The following TENM2 variants were observed in gnomAD, a reference collection of about 807,000 sequenced individuals.
The protein encoded by TENM2 is teneurin transmembrane protein 2, also known as teneurin-2.
TENM2 carries 52 observed loss-of-function variants against 245.2 expected under a neutral mutation model. That is an observed-to-expected ratio of 0.21 (90% confidence interval 0.17 to 0.27). The LOEUF (loss-of-function observed/expected upper bound fraction) is 0.27. Ranked by LOEUF, TENM2 falls within the 10% of genes least tolerant of loss-of-function variation. The pLI, the probability that TENM2 is intolerant of heterozygous loss-of-function variation, is 1.00. For missense variants in TENM2, 3,046 were observed against 3,666.8 expected (o/e 0.83, Z 4.37); for synonymous variants, 1,363 against 1,438.9 (o/e 0.95, Z 1.19).
At chr5:168,125,079 C>A in intron 11 of TENM2, 29 bp downstream of exon 13, 1 of 1,563,132 alleles carries the variant, frequency 6.4e-7, no homozygotes, top group Non-Finnish European at 8.7e-7. Context: ...TCCTTCCTCT[C>A]TCCAACACTC....
chr5:168,212,114 T>C (rs779209243), intron 20 of TENM2, among the ~76,000 whole-genome samples: 6 of 151,868 alleles, frequency 4.0e-5, no homozygotes, highest in Admixed American at 2.0e-4. Flanking sequence ...AAAGCTTTAA[T>C]GAACTGGAAA....
At chr5:167,361,221 A>G (rs79029223) in intron 1 of TENM2, among the ~76,000 whole-genome samples, 4,013 of 152,292 alleles carry the variant, frequency 0.026, 176 homozygotes, top group African/African-American at 0.091. Context: ...AAGGAAAGTC[A>G]TAGAAAAGTA....
At chr5:167,961,998 C>T (rs75515423) in intron 4 of TENM2, among the ~76,000 whole-genome samples, 3,401 of 152,332 alleles carry the variant, frequency 0.022, 130 homozygotes, top group African/African-American at 0.076. Flanking sequence ...CTCCCAGCTC[C>T]TGATGCAATC....
chr5:167,887,662 T>A lies in TENM2; in HGVS notation c.712+11467T>A, dbSNP rs532211092. Among the ~76,000 whole-genome samples the A allele has an allele frequency of 5.3e-5, 8 of 152,366 alleles. No individual in the cohort carries two copies. The South Asian group carries it at 1.7e-3, about 32-fold the overall frequency. ...AGTAGCTGCTGTCCTGAGTTGATGT[T>A]GCCTTGGAAATAGTTGCTTTCATTG... is the stretch of plus-strand genomic sequence containing the variant. On this transcript the variant is annotated intron_variant, in intron 3 of 28. Coordinates refer to ENST00000518659, the Ensembl canonical transcript of TENM2.
chr5:167,920,036 CCATCTGG>C (rs1230239905), intron 3 of TENM2, among the ~76,000 whole-genome samples: 1 of 152,014 alleles, frequency 6.6e-6, no homozygotes, highest in Non-Finnish European at 1.5e-5. Context: ...TGGGATGAGT[CCATCTGG>C]CAGGAAAGGA....
chr5:167,707,699 C>T (rs1758626889), intron 2 of TENM2, among the ~76,000 whole-genome samples: 2 of 152,320 alleles, frequency 1.3e-5, no homozygotes, highest in South Asian at 4.1e-4. Flanking sequence ...TGAATGCCGT[C>T]TAGAATCCTA....
Position 167,398,434 on chromosome 5 carries a change from A to AT in TENM2, c.502+22975dup, listed in dbSNP as rs796625197. ...TCTTTCTCTCTCTCTCTTTCTTACTATTTTTTTTTTTTTTGAGACAGGGTC... is the reference window on the plus strand; with the variant it reads ...TCTTTCTCTCTCTCTCTTTCTTACTATTTTTTTTTTTTTTTGAGACAGGGTC... On this transcript the variant is annotated intron_variant, in intron 2 of 28. Transcript: ENST00000518659. Among the ~76,000 whole-genome samples, 616 of 65,542 alleles carry AT rather than the reference A, an allele frequency of 9.4e-3. 8 individuals carry two copies. Among genetic ancestry groups the AT allele is most frequent in the Middle Eastern group, 0.017 (2 of 118 alleles). The allele number at this position is 65,542 out of a possible 152,430, so 43.0% of individuals were successfully genotyped here. A position where few individuals can be genotyped will look rare whatever the true frequency, so the allele number is the denominator to read the frequency against.
At chr5:167,866,211 T>G (rs537737547) in intron 2 of TENM2, among the ~76,000 whole-genome samples, 1 of 152,228 alleles carries the variant, frequency 6.6e-6, no homozygotes, top group Admixed American at 6.5e-5. Context: ...CTAGAAGGTG[T>G]TTGCCAGCTG....
At chr5:167,188,016 A>C in the TENM2 span, among the ~76,000 whole-genome samples, 1 of 152,156 alleles carries the variant, frequency 6.6e-6, no homozygotes, top group Non-Finnish European at 1.5e-5. Context: ...AGAGCTGATT[A>C]GTCACTAATC....
At chr5:167,261,554 A>G in the TENM2 span, among the ~76,000 whole-genome samples, 2 of 152,156 alleles carry the variant, frequency 1.3e-5, no homozygotes, top group Admixed American at 1.3e-4. Flanking sequence ...AGGTGAAGAC[A>G]GCAGCATGAA....
chr5:168,246,200 C>G (rs1351901052), intron 26 of TENM2, among the ~76,000 whole-genome samples: 1 of 149,618 alleles, frequency 6.7e-6, no homozygotes, highest in Non-Finnish European at 1.5e-5. Flanking sequence ...TGCACCACTG[C>G]ACTCCAGCCT....
the TENM2 span, among the ~76,000 whole-genome samples, chr5:167,199,824 A>G: frequency 1.3e-5 from 2 of 152,116 alleles, no homozygotes; most frequent in Non-Finnish European, 2.9e-5. Context: ...CATATTTAGT[A>G]TTTTAAATGC....
chr5:167,025,473 A>T, the TENM2 span, among the ~76,000 whole-genome samples: 1 of 152,218 alleles, frequency 6.6e-6, no homozygotes, highest in African/African-American at 2.4e-5. Flanking sequence ...TAAAAATTTA[A>T]TTGTAAATTA....
chr5:167,452,596 T>C (rs1765649872), intron 2 of TENM2, among the ~76,000 whole-genome samples: 1 of 152,086 alleles, frequency 6.6e-6, no homozygotes, highest in African/African-American at 2.4e-5. Context: ...TATGTCTTTC[T>C]CAAAATGGCC....
chr5:167,416,481 TTTTG>T (rs1581981354), intron 2 of TENM2, among the ~76,000 whole-genome samples: 2 of 152,164 alleles, frequency 1.3e-5, no homozygotes, highest in Non-Finnish European at 2.9e-5. Context: ...TAACGTTACT[TTTTG>T]TTTGTTTGTT....
At chr5:167,297,489 T>C (rs1183035503) in intron 1 of TENM2, 2 of 152,146 alleles carry the variant, frequency 1.3e-5, no homozygotes, top group Non-Finnish European at 2.9e-5. Context: ...CAGGTAACAG[T>C]TGATTATGTT....
At chr5:167,696,187 T>C (rs1451909476) in intron 2 of TENM2, among the ~76,000 whole-genome samples, 1 of 152,226 alleles carries the variant, frequency 6.6e-6, no homozygotes, top group African/African-American at 2.4e-5. Flanking sequence ...GAATCTGCTG[T>C]CCAGGTTTGA....
chr5:167,337,185 T>C (rs1017044209), intron 1 of TENM2, among the ~76,000 whole-genome samples: 27 of 150,296 alleles, frequency 1.8e-4, no homozygotes, highest in African/African-American at 6.1e-4. Flanking sequence ...GGTCCTGAGC[T>C]TTTCAGATAA....
chr5:167,361,876 A>G (rs1759739393), intron 1 of TENM2, among the ~76,000 whole-genome samples: 1 of 152,210 alleles, frequency 6.6e-6, no homozygotes, highest in African/African-American at 2.4e-5. Context: ...TTAGTGGAGA[A>G]TTAGTCTCTG....
Sources: allele counts gnomAD v4.1 joint callset (sites outside exome capture counted in the v4.1 genomes callset), GRCh38; gene constraint gnomAD v4.1.1; transcripts MANE v1.5; gene names NCBI Gene and HGNC (gene_info 2026-07-23, HGNC 2026-07-21).